The following GOLGA4 variants were observed in gnomAD, a reference collection of about 807,000 sequenced individuals.
GOLGA4 encodes golgin A4.
GOLGA4 carries 169 observed loss-of-function variants against 265.9 expected under a neutral mutation model. The observed-to-expected ratio is 0.64, with a 90% CI of 0.56 to 0.72. GOLGA4 has a LOEUF of 0.72. GOLGA4 is among the 30% of genes least tolerant of loss of function. The probability of loss-of-function intolerance (pLI) is 0.00; values close to 1 mark genes in which losing one functional copy is unlikely to be tolerated. For missense variants in GOLGA4, 2,482 were observed against 2,483.4 expected, an observed-to-expected ratio of 1.00 and a Z score of 0.01; for synonymous variants, 923 against 855.8, an observed-to-expected ratio of 1.08 and a Z score of -1.37.
In GOLGA4 at chr3:37,361,252, C is replaced by T; in HGVS notation, c.6673C>T (p.Pro2225Ser). ...REDARLMFTS[P>S]RSGIF ...CTTCCTGGCTTTGTAGTTTACTTCA[C>T]CTCGCAGTGGTATCTTCTGAGTAAA... is the stretch of plus-strand genomic sequence containing the variant. Residue 2225 changes from proline to serine, a missense_variant, in exon 23 of 24, where the codon CCT (proline) becomes TCT (serine). Physicochemically the swap from Pro to Ser is moderately conservative, Grantham distance 74. Around this residue, in one of 3 missense-constraint regions of GOLGA4, gnomAD observed 942 missense variants for 983.1 expected, o/e 0.96. Coordinates refer to ENST00000361924, the MANE Select transcript of GOLGA4 (RefSeq NM_002078.5). 6.2e-7 allele frequency: 1 copy of T among 1,612,438 alleles called. No homozygotes were observed. Among genetic ancestry groups the T allele is most frequent in the Non-Finnish European group, 8.5e-7 (1 of 1,178,636 alleles).
intron 2 of GOLGA4, among the ~76,000 whole-genome samples, chr3:37,265,711 T>C (rs1303470273): frequency 6.6e-6 from 1 of 152,158 alleles, no homozygotes; most frequent in Non-Finnish European, 1.5e-5. Flanking sequence ...CTGTTACTAT[T>C]TGTGGTAAGA....
chr3:37,246,125 C>T (rs894957252), intron 1 of GOLGA4, among the ~76,000 whole-genome samples: 11 of 151,732 alleles, frequency 7.2e-5, no homozygotes, highest in East Asian at 5.9e-4. Context: ...CCAAGGCGGG[C>T]GGATCACCTG....
intron 10 of GOLGA4, among the ~76,000 whole-genome samples, chr3:37,313,221 T>G (rs907850324): frequency 3.9e-5 from 6 of 152,088 alleles, no homozygotes; most frequent in Non-Finnish European, 7.4e-5. Flanking sequence ...AAAAAAGATA[T>G]ATGGTTGCCA....
intron 1 of GOLGA4, chr3:37,250,229 A>G (rs757311632): frequency 1.1e-4 from 16 of 152,264 alleles, no homozygotes; most frequent in Non-Finnish European, 2.2e-4. Flanking sequence ...CAGAGATTGT[A>G]GAAATAGACT....
At chr3:37,243,904 A>G (rs747799957) in intron 1 of GOLGA4, 49 of 468,660 alleles carry the variant, frequency 1.0e-4, no homozygotes, top group Non-Finnish European at 1.6e-4. Context: ...TCCTAAGGCC[A>G]GAGTCCGAAC....
At chr3:37,348,102 G>A (rs1578830673) in intron 21 of GOLGA4, among the ~76,000 whole-genome samples, 2 of 152,256 alleles carry the variant, frequency 1.3e-5, no homozygotes, top group African/African-American at 4.8e-5. Flanking sequence ...GTGTTTTAAT[G>A]TATGGGTGTG....
chr3:37,310,738 T>G (rs1046509209), intron 10 of GOLGA4, among the ~76,000 whole-genome samples: 24 of 151,980 alleles, frequency 1.6e-4, no homozygotes, highest in African/African-American at 5.8e-4. Flanking sequence ...TGTGTGTGTT[T>G]TTTTTTTTAA....
At chr3:37,349,350 T>C (rs925680493) in intron 21 of GOLGA4, among the ~76,000 whole-genome samples, 1 of 152,114 alleles carries the variant, frequency 6.6e-6, no homozygotes, top group African/African-American at 2.4e-5. Flanking sequence ...TATTTACCTG[T>C]GAGAAGATCA....
chr3:37,311,904 G>C (rs2096924102), intron 10 of GOLGA4, among the ~76,000 whole-genome samples: 1 of 152,034 alleles, frequency 6.6e-6, no homozygotes, highest in Non-Finnish European at 1.5e-5. Flanking sequence ...CTTGTGGCAT[G>C]GATTTTTTGT....
At chr3:37,360,889 G>C (rs1303365690) in intron 22 of GOLGA4, among the ~76,000 whole-genome samples, 1 of 152,114 alleles carries the variant, frequency 6.6e-6, no homozygotes, top group African/African-American at 2.4e-5. Context: ...AAATTTTAAT[G>C]TGTACTTTCA....
intron 23 of GOLGA4, among the ~76,000 whole-genome samples, chr3:37,364,472 C>T (rs1019749047): frequency 4.0e-5 from 6 of 151,876 alleles, no homozygotes; most frequent in African/African-American, 1.5e-4. Flanking sequence ...GAACTCCTGA[C>T]CTCAGGTGAT....
At chr3:37,263,603 G>T (rs2096775841) in intron 2 of GOLGA4, among the ~76,000 whole-genome samples, 1 of 152,094 alleles carries the variant, frequency 6.6e-6, no homozygotes, top group Admixed American at 6.6e-5. Flanking sequence ...ATGTATGTGT[G>T]TTTATTTAGG....
rs1409534573 is a variant in GOLGA4, at chr3:37,324,919, A to G, written c.3033A>G (p.Ser1011=). 6.2e-7 allele frequency: 1 copy of G among 1,611,702 alleles called. No individual in the cohort carries two copies. Among genetic ancestry groups the G allele is most frequent in the Non-Finnish European group, 8.5e-7 (1 of 1,179,338 alleles). The stretch of plus-strand genomic sequence containing the variant: ...TGCTGGAAATGGCACAGGCTAACTC[A>G]GCTGGAATCAGTGATGCAGTGTCAA... ...AKMLEMAQAN[S]AGISDAVSRL... The change falls in exon 14 of 24, where the codon TCA becomes TCG. Residue 1011 remains serine (S), a synonymous_variant. Coordinates refer to ENST00000361924, the MANE Select transcript of GOLGA4 (RefSeq NM_002078.5).
At chr3:37,348,021 A>G (rs1229970537) in intron 21 of GOLGA4, among the ~76,000 whole-genome samples, 3 of 152,106 alleles carry the variant, frequency 2.0e-5, no homozygotes, top group Non-Finnish European at 4.4e-5. Context: ...TTTTACCTTC[A>G]TGGAATTTTA....
rs774204484 is a variant in GOLGA4, at chr3:37,321,887, G to GT, written c.1701+2dup. Reference sequence around the variant, plus strand: ...GCAAGAAGCAGAGACTTACAGAACTGTAAGTTTTAATAATATTCAGATTCT... The same window carrying GT: ...GCAAGAAGCAGAGACTTACAGAACTGTTAAGTTTTAATAATATTCAGATTCT... On this transcript the variant is annotated splice_donor_variant, in intron 13 of 23. Coordinates refer to ENST00000361924, the MANE Select transcript of GOLGA4 (RefSeq NM_002078.5). LOFTEE classifies it high-confidence loss of function. 344 of 1,590,096 alleles carry GT rather than the reference G, an allele frequency of 2.2e-4. 4 individuals are homozygous for GT. In the South Asian group the frequency reaches 3.2e-3, roughly 15 times the overall value.
At chr3:37,334,229 T>C (rs2097001602) in intron 16 of GOLGA4, among the ~76,000 whole-genome samples, 1 of 152,162 alleles carries the variant, frequency 6.6e-6, no homozygotes, top group South Asian at 2.1e-4. Context: ...GAGAGGACAA[T>C]TTGTATGCCA....
Position 37,326,217 on chromosome 3 carries a change from A to G in GOLGA4, c.4331A>G (p.Glu1444Gly). The G allele has an allele frequency of 6.2e-7, 1 of 1,613,708 alleles. No individual in the cohort carries two copies. The change falls in exon 14 of 24, where the codon GAA (glutamate) becomes GGA (glycine). Residue 1444 changes from glutamate to glycine, a missense_variant. Physicochemically the swap from Glu to Gly is moderately conservative, Grantham distance 98 (BLOSUM62 -2). Around this residue, in one of 3 missense-constraint regions of GOLGA4, gnomAD observed 942 missense variants for 983.1 expected, o/e 0.96. Coordinates refer to ENST00000361924, the MANE Select transcript of GOLGA4 (RefSeq NM_002078.5). ...GATGACTGGTCCAATAAATTCTCAGAATGGAAGAAGAAAGCACAGTCAAGA... is the reference window on the plus strand; with the variant it reads ...GATGACTGGTCCAATAAATTCTCAGGATGGAAGAAGAAAGCACAGTCAAGA... ...QVDDWSNKFS[E>G]WKKKAQSRFT...
intron 21 of GOLGA4, among the ~76,000 whole-genome samples, chr3:37,350,863 T>G (rs1366324164): frequency 6.6e-6 from 1 of 152,118 alleles, no homozygotes; most frequent in Non-Finnish European, 1.5e-5. Flanking sequence ...AATGCTAACA[T>G]TCATCTGAGC....
intron 10 of GOLGA4, among the ~76,000 whole-genome samples, chr3:37,307,024 T>A (rs1289555088): frequency 6.6e-6 from 1 of 152,172 alleles, no homozygotes; most frequent in Non-Finnish European, 1.5e-5. Flanking sequence ...TAATCCTCCC[T>A]CCCATTAAAA....
Sources: allele counts gnomAD v4.1 joint callset (sites outside exome capture counted in the v4.1 genomes callset), GRCh38; gene constraint gnomAD v4.1.1; regional missense constraint gnomAD v4.1.1; transcripts MANE v1.5; gene names NCBI Gene and HGNC (gene_info 2026-07-23, HGNC 2026-07-21).